The following ZNF280C variants were observed in gnomAD, a reference collection of about 807,000 sequenced individuals.
ZNF280C encodes the protein suppressor of hairy wing homolog 3.
In ZNF280C, 14 loss-of-function variants were observed where a neutral mutation model predicts 53.6. The observed-to-expected ratio is 0.26, with a 90% confidence interval of 0.17 to 0.41. The LOEUF is 0.41. Ranked by LOEUF, ZNF280C falls within the 10% of genes least tolerant of loss-of-function variation. The pLI is 1.00. For synonymous variants in ZNF280C, 203 were observed against 181.1 expected (o/e 1.12, Z -0.97); for missense variants, 416 against 547.1 (o/e 0.76, Z 2.39).
At chrX:130,250,022 A>C (rs957575214) in intron 2 of ZNF280C, among the ~76,000 whole-genome samples, 2 of 112,245 alleles carry the variant, frequency 1.8e-5, no homozygotes, top group African/African-American at 6.5e-5. Context: ...AATCATAAGT[A>C]TTAATAGCGG....
At chrX:130,243,746 C>A (rs201761950) in intron 4 of ZNF280C, 47 bp from the exon 5 acceptor site, 21 of 1,159,889 alleles carry the variant, frequency 1.8e-5, no homozygotes, top group Admixed American at 2.4e-5. Flanking sequence ...TCTATACAAC[C>A]AATTATATCA....
chrX:130,215,500 A>T (rs1298291615), intron 14 of ZNF280C, among the ~76,000 whole-genome samples, 167 bp from the exon 15 acceptor site: 2 of 112,279 alleles, frequency 1.8e-5, no homozygotes, highest in African/African-American at 3.2e-5. Context: ...AAGTGTAAAA[A>T]ATTTAACACC....
intron 16 of ZNF280C, among the ~76,000 whole-genome samples, chrX:130,206,367 T>C (rs1236545803): frequency 1.0e-5 from 1 of 95,267 alleles, no homozygotes; most frequent in Non-Finnish European, 2.1e-5. Flanking sequence ...TTTAGTTTTT[T>C]TTTTTTTTTT....
intron 15 of ZNF280C, among the ~76,000 whole-genome samples, chrX:130,214,425 G>T (rs1013739778): frequency 9.0e-6 from 1 of 111,581 alleles, no homozygotes; most frequent in Non-Finnish European, 1.9e-5. Context: ...TGGACAGACA[G>T]ATGCGGGAGA....
chrX:130,228,063 A>C (rs1239112508), intron 10 of ZNF280C, among the ~76,000 whole-genome samples: 3 of 111,822 alleles, frequency 2.7e-5, no homozygotes, highest in Non-Finnish European at 5.6e-5. Flanking sequence ...TCACAGCTGT[A>C]GTAAGAGGCA....
intron 8 of ZNF280C, 65 bp downstream of exon 8, chrX:130,236,149 A>G (rs2032329557): frequency 1.3e-6 from 1 of 775,138 alleles, no homozygotes; most frequent in Non-Finnish European, 1.9e-6. Context: ...ACTGTATATC[A>G]ATTTTCAATA....
chrX:130,247,756 G>A (rs2032465260), intron 2 of ZNF280C, among the ~76,000 whole-genome samples: 1 of 110,695 alleles, frequency 9.0e-6, no homozygotes, highest in African/African-American at 3.3e-5. Flanking sequence ...CTAAGAATAA[G>A]AGAAAATACA....
chrX:130,205,864 C>T (rs1476174944), intron 16 of ZNF280C, among the ~76,000 whole-genome samples: 3 of 92,933 alleles, frequency 3.2e-5, no homozygotes, highest in African/African-American at 1.2e-4. Flanking sequence ...ACTCCAGCTG[C>T]GAGACTATGT....
intron 14 of ZNF280C, 93 bp downstream of exon 14, chrX:130,215,698 T>C (rs938531720): frequency 2.3e-6 from 2 of 879,999 alleles, no homozygotes; most frequent in Admixed American, 3.6e-5. Flanking sequence ...AGATAAGTGA[T>C]TATCATGTAA....
chrX:130,239,845 T>C lies in ZNF280C; in HGVS notation c.382-152A>G, dbSNP rs192734340. ...AGTCTCTGCCAAAATTAGCATCTAC[T>C]GGGTGAGGAGTATATGGGAACTCTG... is the stretch of plus-strand genomic sequence containing the variant. On this transcript the variant is annotated intron_variant, in intron 5 of 18. Coordinates refer to ENST00000370978, the MANE Select transcript of ZNF280C (RefSeq NM_017666.5). 4.0e-5 allele frequency: 14 copies of C among 347,749 alleles called. No individual in the cohort carries two copies. In the Admixed American group the frequency reaches 6.0e-4, roughly 15 times the overall value. The allele number at this position is 347,749 out of a possible 1,213,427, so 28.7% of individuals were successfully genotyped here. A position where few individuals can be genotyped will look rare whatever the true frequency, so the allele number is the denominator to read the frequency against.
At chrX:130,208,350 G>A (rs1463164267) in intron 16 of ZNF280C, among the ~76,000 whole-genome samples, 4 of 111,279 alleles carry the variant, frequency 3.6e-5, no homozygotes, top group African/African-American at 1.3e-4. Flanking sequence ...GGCTGGTCCT[G>A]AACTCCTGGC....
chrX:130,265,245 C>G (rs1311837543), intron 1 of ZNF280C, among the ~76,000 whole-genome samples: 2 of 111,880 alleles, frequency 1.8e-5, no homozygotes, highest in African/African-American at 6.5e-5. Context: ...AACTCACTAG[C>G]ATAATACTTT....
intron 5 of ZNF280C, among the ~76,000 whole-genome samples, chrX:130,242,565 A>G (rs1341952687): frequency 9.0e-6 from 1 of 111,730 alleles, no homozygotes; most frequent in Non-Finnish European, 1.9e-5. Context: ...TTTGAGATGG[A>G]GTCTCACTCT....
intron 1 of ZNF280C, 38 bp from the exon 2 acceptor site, chrX:130,260,503 T>C: frequency 9.4e-7 from 1 of 1,061,334 alleles, no homozygotes; most frequent in South Asian, 2.1e-5. Context: ...ATGTTATGAG[T>C]CACTTTAAGT....
chrX:130,221,770 G>A (rs934290640), intron 12 of ZNF280C, among the ~76,000 whole-genome samples: 1 of 111,590 alleles, frequency 9.0e-6, no homozygotes, highest in African/African-American at 3.3e-5. Context: ...GCGGACTCTT[G>A]CAAGAGCCTC....
At chrX:130,247,993 C>T (rs1260130946) in intron 2 of ZNF280C, among the ~76,000 whole-genome samples, 1 of 107,180 alleles carries the variant, frequency 9.3e-6, no homozygotes, top group Non-Finnish European at 1.9e-5. Context: ...ATTTTAGTGC[C>T]TCACTCTTAA....
At chrX:130,235,297 T>C (rs1057375351) in intron 8 of ZNF280C, among the ~76,000 whole-genome samples, 8 of 112,371 alleles carry the variant, frequency 7.1e-5, no homozygotes, top group Non-Finnish European at 1.3e-4. Flanking sequence ...GTGGATCCAC[T>C]TGATGCCAGG....
chrX:130,204,769 ATGTT>A lies in ZNF280C; in HGVS notation c.*204_*207del, dbSNP rs201175294. 3.7e-3 allele frequency: 1,168 copies of A among 315,091 alleles called. 14 individuals are homozygous for A. The highest frequency in any genetic ancestry group is 0.029 in the African/African-American group (1,061 of 36,763). 26.0% of individuals were successfully genotyped at this position (315,091 alleles called of 1,213,427 possible). A position where few individuals can be genotyped will look rare whatever the true frequency, so the allele number is the denominator to read the frequency against. On this transcript the variant is annotated 3_prime_UTR_variant, in exon 19 of 19. Transcript: ENST00000370978. The stretch of plus-strand genomic sequence containing the variant: ...GAGAGAGCCAACTGGAGAAAAAAAT[ATGTT>A]AAGATATGTTAACCTGACGCAAAGA...
intron 2 of ZNF280C, among the ~76,000 whole-genome samples, chrX:130,258,930 T>G (rs890379535): frequency 8.9e-6 from 1 of 112,136 alleles, no homozygotes; most frequent in African/African-American, 3.2e-5. Context: ...GCACAATATC[T>G]ACCTAATAGA....
Sources: allele counts gnomAD v4.1 joint callset (sites outside exome capture counted in the v4.1 genomes callset), GRCh38; gene constraint gnomAD v4.1.1; transcripts MANE v1.5; gene names NCBI Gene and HGNC (gene_info 2026-07-23, HGNC 2026-07-21).